Variants in LGR6 observed in about 807,000 individuals in gnomAD.
LGR6 encodes leucine-rich repeat-containing G protein-coupled receptor 6.
LGR6 carries 45 observed loss-of-function variants against 69.4 expected under a neutral mutation model. That is an observed-to-expected ratio of 0.65 (90% CI 0.51 to 0.83). LGR6 has a LOEUF of 0.83. LGR6 is among the 40% of genes least tolerant of loss of function. The pLI is 0.00. For missense variants in LGR6, 1,108 were observed against 1,246.7 expected, an observed-to-expected ratio of 0.89 and a Z score of 1.68; for synonymous variants, 538 against 555.0, an observed-to-expected ratio of 0.97 and a Z score of 0.43.
At chr1:202,211,875 T>C (rs1659475556) in intron 1 of LGR6, among the ~76,000 whole-genome samples, 1 of 152,186 alleles carries the variant, frequency 6.6e-6, no homozygotes, top group Admixed American at 6.5e-5. Flanking sequence ...GATCGTGATT[T>C]CTAACAACAT....
At chr1:202,203,990 G>A in intron 1 of LGR6, 1 of 746,966 alleles carries the variant, frequency 1.3e-6, no homozygotes, top group Non-Finnish European at 2.4e-6. Context: ...TCTTTGTAGG[G>A]TGTGTGTGTC....
chr1:202,293,094 C>T (rs1228248760), intron 6 of LGR6, among the ~76,000 whole-genome samples: 1 of 117,784 alleles, frequency 8.5e-6, no homozygotes, highest in Non-Finnish European at 1.9e-5. Context: ...AGTCAAAACA[C>T]TTAGTGGCTG....
intron 1 of LGR6, among the ~76,000 whole-genome samples, chr1:202,200,260 A>G (rs896565245): frequency 4.6e-5 from 7 of 152,254 alleles, no homozygotes; most frequent in Non-Finnish European, 7.3e-5. Flanking sequence ...CTGGGCTTCT[A>G]GGTTAGCACT....
chr1:202,300,975 A>G (rs1029528335), intron 8 of LGR6, 55 bp downstream of exon 8: 1 of 1,505,708 alleles, frequency 6.6e-7, no homozygotes, highest in Non-Finnish European at 9.2e-7. Flanking sequence ...AGGGAGGAGG[A>G]CAGAGGATGG....
At chr1:202,225,598 T>A in intron 2 of LGR6, 104 bp downstream of exon 2, 1 of 1,004,440 alleles carries the variant, frequency 1.0e-6, no homozygotes, top group Non-Finnish European at 1.5e-6. Context: ...GAAAGGGGCT[T>A]GGGAAGCTAA....
At chr1:202,246,757 C>T (rs1662741811) in intron 4 of LGR6, among the ~76,000 whole-genome samples, 1 of 151,920 alleles carries the variant, frequency 6.6e-6, no homozygotes, top group Admixed American at 6.6e-5. Flanking sequence ...CGGGTGAAGC[C>T]CAGTGTGTGT....
intron 16 of LGR6, among the ~76,000 whole-genome samples, chr1:202,311,537 G>T (rs914402040): frequency 9.2e-5 from 14 of 152,184 alleles, no homozygotes; most frequent in Admixed American, 5.2e-4. Context: ...GCATGCGCCT[G>T]TAGTCCCAGC....
chr1:202,197,021 A>T (rs769056242), intron 1 of LGR6: 3 of 533,034 alleles, frequency 5.6e-6, no homozygotes, highest in South Asian at 4.2e-5. Context: ...TTGGACATGC[A>T]GGAAGTAGCA....
intron 4 of LGR6, among the ~76,000 whole-genome samples, chr1:202,261,960 G>A: frequency 6.6e-6 from 1 of 152,148 alleles, no homozygotes; most frequent in Non-Finnish European, 1.5e-5. Flanking sequence ...ATTTGTTTGA[G>A]TTCATTGTAA....
At chr1:202,286,658 A>G (rs967260807) in intron 6 of LGR6, among the ~76,000 whole-genome samples, 1 of 152,156 alleles carries the variant, frequency 6.6e-6, no homozygotes, top group Admixed American at 6.6e-5. Flanking sequence ...GTTCTTAATC[A>G]TCTTACATTT....
At chr1:202,211,344 C>T (rs1024489275) in intron 1 of LGR6, among the ~76,000 whole-genome samples, 31 of 152,324 alleles carry the variant, frequency 2.0e-4, no homozygotes, top group African/African-American at 7.5e-4. Context: ...GCCTGAGGTT[C>T]ACGAAGACTT....
Position 202,225,503 on chromosome 1 carries a change from AT to A in LGR6, c.284+10del. 6.2e-7 allele frequency: 1 copy of A among 1,612,638 alleles called. No homozygotes were observed. The highest frequency in any genetic ancestry group is 8.5e-7 in the Non-Finnish European group (1 of 1,178,800). On this transcript the variant is annotated intron_variant, in intron 2 of 17. Coordinates refer to ENST00000367278, the MANE Select transcript of LGR6 (RefSeq NM_001017403.2). ...CGCTTCTTGGAGGAGCTGTGAGTAGATGCTTTGCAGGGTGGGAGGCAAGCAT... is the reference window on the plus strand; with the variant it reads ...CGCTTCTTGGAGGAGCTGTGAGTAGAGCTTTGCAGGGTGGGAGGCAAGCAT...
At chr1:202,279,660 G>T (rs1192312799) in intron 5 of LGR6, among the ~76,000 whole-genome samples, 6 of 151,944 alleles carry the variant, frequency 3.9e-5, no homozygotes, top group Non-Finnish European at 7.4e-5. Flanking sequence ...TCTCATTTTT[G>T]GATTCTCTGC....
At position 202,304,619 on chromosome 1, in the gene LGR6, G is replaced by A; in HGVS notation, c.1059G>A (p.Arg353=). The A allele has an allele frequency of 6.2e-7, 1 of 1,609,494 alleles. No homozygotes were observed. The highest frequency in any genetic ancestry group is 1.1e-5 in the South Asian group (1 of 90,674). Reference sequence around the variant, plus strand: ...CGGGGATGTGCCAACAGCTGCCCAGGCTCCGAGTCCTGTGAGTGCTCACAA... The same window carrying A: ...CGGGGATGTGCCAACAGCTGCCCAGACTCCGAGTCCTGTGAGTGCTCACAA... ...LPSGMCQQLP[R]LRVLELSHNQ... is the part of the protein sequence containing the mutation. Residue 353 remains arginine, a synonymous_variant, in exon 11 of 18, where the codon AGG becomes AGA. Transcript: ENST00000367278.
intron 4 of LGR6, among the ~76,000 whole-genome samples, chr1:202,275,415 C>G (rs1299874611): frequency 1.3e-5 from 2 of 152,162 alleles, no homozygotes; most frequent in Admixed American, 1.3e-4. Flanking sequence ...GTGTAAAAAG[C>G]TAAGGTTGAA....
chr1:202,250,154 CCTT>C (rs1317094637), intron 4 of LGR6, among the ~76,000 whole-genome samples: 5 of 152,114 alleles, frequency 3.3e-5, no homozygotes, highest in Admixed American at 6.5e-5. Flanking sequence ...TCCTAGTTCT[CCTT>C]CTCACCATCC....
chr1:202,306,902 G>A lies in LGR6; in HGVS notation c.1171G>A (p.Ala391Thr), dbSNP rs1653257310. Reference sequence around the variant, plus strand: ...ACACAACCGCATCTGGGAAATTGGAGCTGACACCTTCAGCCAGCTGAGCTC... The same window carrying A: ...ACACAACCGCATCTGGGAAATTGGAACTGACACCTTCAGCCAGCTGAGCTC... The part of the protein sequence containing the change: ...LQHNRIWEIG[A>T]DTFSQLSSLQ... Residue 391 changes from alanine to threonine, a missense_variant, in exon 13 of 18, where the codon GCT becomes ACT. By Grantham distance (58) the Ala-to-Thr change is moderately conservative. Coordinates refer to ENST00000367278, the MANE Select transcript of LGR6 (RefSeq NM_001017403.2). 1.9e-6 allele frequency: 3 copies of A among 1,614,028 alleles called. No homozygotes were observed. Among genetic ancestry groups the A allele is most frequent in the Non-Finnish European group, 2.5e-6 (3 of 1,180,042 alleles).
At chr1:202,214,378 G>A in intron 1 of LGR6, 1 of 879,264 alleles carries the variant, frequency 1.1e-6, no homozygotes, top group Non-Finnish European at 1.6e-6. Context: ...TCTGGGAGCC[G>A]AGGCCGCCTC....
intron 5 of LGR6, among the ~76,000 whole-genome samples, chr1:202,279,595 T>C (rs1665850023): frequency 6.6e-6 from 1 of 152,240 alleles, no homozygotes; most frequent in African/African-American, 2.4e-5. Context: ...GCAGCTTCCA[T>C]TCTTTCATCA....
Sources: gnomAD v4.1 joint callset for allele counts (sites outside exome capture counted in the v4.1 genomes callset) on GRCh38, gnomAD v4.1.1 for gene constraint, MANE v1.5 for transcripts, NCBI Gene and HGNC (gene_info 2026-07-23, HGNC 2026-07-21) for gene names.